The following DICER1 variants were observed in gnomAD, a reference collection of about 807,000 sequenced individuals.
DICER1 encodes the protein dicer 1, ribonuclease III, also known as endoribonuclease Dicer.
DICER1 carries 43 observed loss-of-function variants against 194.1 expected under a neutral mutation model. That is an observed-to-expected ratio of 0.22 (90% CI 0.17 to 0.29). The LOEUF is 0.29. Among genes scored for constraint, DICER1 ranks in the 10% least tolerant of loss-of-function variants. The pLI, the probability that DICER1 is intolerant of heterozygous loss-of-function variation, is 1.00. For synonymous variants in DICER1, 832 were observed against 820.5 expected (o/e 1.01, Z -0.24); for missense variants, 1,608 against 2,317.0 (o/e 0.69, Z 6.28).
intron 9 of DICER1, 133 bp downstream of exon 9, chr14:95,117,489 T>C (rs1486485308): frequency 3.2e-6 from 3 of 934,668 alleles, no homozygotes; most frequent in African/African-American, 1.7e-5. Context: ...TGGTCTAATA[T>C]ATGAAGAAGT....
At chr14:95,157,034 G>C (rs1214501202) in intron 1 of DICER1, among the ~76,000 whole-genome samples, 196 bp downstream of exon 1, 1 of 151,960 alleles carries the variant, frequency 6.6e-6, no homozygotes, top group Non-Finnish European at 1.5e-5. Context: ...GAGGCGGGCA[G>C]ACGCCGGGTC....
chr14:95,122,959 C>CAAAGAAAGAAAG (rs33966914), intron 8 of DICER1, among the ~76,000 whole-genome samples: 47,862 of 149,202 alleles, frequency 0.32, 8,582 homozygotes, highest in African/African-American at 0.49. Context: ...CACACACACA[C>CAAAGAAAGAAAG]AAAGAAAGAA....
chr14:95,117,509 T>C, intron 9 of DICER1, 113 bp downstream of exon 9: 1 of 1,137,548 alleles, frequency 8.8e-7, no homozygotes, highest in Non-Finnish European at 1.3e-6. Context: ...TATTCTATAA[T>C]ACAAAAAATA....
intron 1 of DICER1, among the ~76,000 whole-genome samples, chr14:95,149,861 C>G (rs537875949): frequency 3.9e-4 from 60 of 152,244 alleles, no homozygotes; most frequent in African/African-American, 1.4e-3. Flanking sequence ...AGACTTTAAA[C>G]AACCCAAATT....
At position 95,096,590 on chromosome 14, in the gene DICER1, C is replaced by T. The variant is rs1455952908; in HGVS notation, c.4330G>A (p.Glu1444Lys). The T allele has an allele frequency of 6.2e-7, 1 of 1,611,728 alleles. No homozygotes were observed. The highest frequency in any genetic ancestry group is 1.1e-5 in the South Asian group (1 of 90,852). ...EEADYEDDFLEYDQEHIRFID... is the reference protein window; with the variant it reads ...EEADYEDDFLKYDQEHIRFID... ...AATCTGATATGTTCCTGATCATACT[C>T]CAGGAAATCATCTTCATAGTCAGCC... The change falls in exon 23 of 27, where the codon GAG becomes AAG. Residue 1444 changes from glutamate (E) to lysine (K), a missense_variant. Around this residue, in one of 10 missense-constraint regions of DICER1, gnomAD observed 164 missense variants for 183.7 expected, o/e 0.89. Transcript: ENST00000343455.
Position 95,124,668 on chromosome 14 carries a change from T to G in DICER1, c.904A>C (p.Ile302Leu), listed in dbSNP as rs1555374864. ...AATACGGCACGACAGTCTGATAGTATCTACAAAAAAAAGAAAAGAAAAAAC... is the reference window on the plus strand; with the variant it reads ...AATACGGCACGACAGTCTGATAGTAGCTACAAAAAAAAGAAAAGAAAAAAC... ...ERDSTLISKQ[I>L]LSDCRAVLVV... The change falls in exon 8 of 27, where the codon ATA (isoleucine) becomes CTA (leucine). Residue 302 changes from isoleucine (I) to leucine (L), a missense_variant and splice_region_variant. By Grantham distance (5) the Ile-to-Leu change is conservative. Around this residue, in one of 10 missense-constraint regions of DICER1, gnomAD observed 657 missense variants for 910.1 expected, o/e 0.72. Coordinates refer to ENST00000343455, the MANE Select transcript of DICER1 (RefSeq NM_177438.3). This position sits in a 1 kb window ranked among gnomAD's most constrained non-coding sequence, Gnocchi z 4.5. The G allele has an allele frequency of 1.9e-6, 3 of 1,610,146 alleles. No individual in the cohort carries two copies. The highest frequency in any genetic ancestry group is 2.5e-6 in the Non-Finnish European group (3 of 1,177,272).
rs1231822339 is a variant in DICER1, at chr14:95,132,630, T to A, written c.192A>T (p.Leu64Phe). ...TAAATGTCTTCCCTGAGCCAGTGTT[T>A]AAACAGACGATGGTATTATGATCCA... ...AALDHNTIVCLNTGSGKTFIA... is the reference protein window; with the variant it reads ...AALDHNTIVCFNTGSGKTFIA... Residue 64 changes from leucine (L) to phenylalanine (F), a missense_variant, in exon 3 of 27, where the codon TTA (leucine) becomes TTT (phenylalanine). By Grantham distance (22) the Leu-to-Phe change is conservative. Coordinates refer to ENST00000343455, the MANE Select transcript of DICER1 (RefSeq NM_177438.3). 3.1e-6 allele frequency: 5 copies of A among 1,613,934 alleles called. No homozygotes were observed. The highest frequency in any genetic ancestry group is 1.3e-5 in the African/African-American group (1 of 74,926).
chr14:95,157,374 C>A lies in DICER1; in HGVS notation c.-190G>T. On this transcript the variant is annotated 5_prime_UTR_variant, in exon 1 of 27. Transcript: ENST00000343455. ...CTCGCCGTCGCCTCGTCCCCGCTGT[C>A]AGGTTACTCCATTCACCTGGGCCTG... is the stretch of plus-strand genomic sequence containing the variant. The A allele has an allele frequency of 6.5e-6, 1 of 154,362 alleles. No individual in the cohort carries two copies. Among genetic ancestry groups the A allele is most frequent in the South Asian group, 1.8e-4 (1 of 5,470 alleles). 9.6% of individuals were successfully genotyped at this position (154,362 alleles called of 1,614,324 possible).
chr14:95,102,467 T>C (rs757401034), intron 21 of DICER1, among the ~76,000 whole-genome samples: 6 of 152,164 alleles, frequency 3.9e-5, no homozygotes, highest in African/African-American at 7.2e-5. Context: ...TTTCAAGCCT[T>C]TTCTCAGGTA....
rs1042232300 is a variant in DICER1, at chr14:95,086,742, T to G, written c.*3756A>C. 1 of 232,876 alleles carries G rather than the reference T, an allele frequency of 4.3e-6. No homozygotes were observed. Among genetic ancestry groups the G allele is most frequent in the African/African-American group, 2.2e-5 (1 of 45,336 alleles). The allele number at this position is 232,876 out of a possible 1,614,324, so 14.4% of individuals were successfully genotyped here. A position where few individuals can be genotyped will look rare whatever the true frequency, so the allele number is the denominator to read the frequency against. On this transcript the variant is annotated 3_prime_UTR_variant, in exon 27 of 27. Coordinates refer to ENST00000343455, the MANE Select transcript of DICER1 (RefSeq NM_177438.3). ...TCTCCAACAACTTTAAAAATCATTTTAATAGTCTTGGTCTTAAACATATCT... is the reference window on the plus strand; with the variant it reads ...TCTCCAACAACTTTAAAAATCATTTGAATAGTCTTGGTCTTAAACATATCT...
intron 9 of DICER1, 127 bp downstream of exon 9, chr14:95,117,495 G>T: frequency 1.0e-6 from 1 of 990,160 alleles, no homozygotes; most frequent in Non-Finnish European, 1.6e-6. Flanking sequence ...AATATATGAA[G>T]AAGTATTCTA....
At position 95,089,924 on chromosome 14, in the gene DICER1, C is replaced by T; in HGVS notation, c.*574G>A. ...ATGCCAGCCAATGTTCATTAAAAAT[C>T]TGTCCCTTACTATCAGGTGCAACAG... On this transcript the variant is annotated 3_prime_UTR_variant, in exon 27 of 27. Transcript: ENST00000343455. 1 of 233,522 alleles carries T rather than the reference C, an allele frequency of 4.3e-6. No individual in the cohort carries two copies. Among genetic ancestry groups the T allele is most frequent in the Non-Finnish European group, 8.5e-6 (1 of 118,098 alleles). 14.5% of individuals were successfully genotyped at this position (233,522 alleles called of 1,614,324 possible). A position where few individuals can be genotyped will look rare whatever the true frequency, so the allele number is the denominator to read the frequency against.
Position 95,133,340 on chromosome 14 carries a change from T to C in DICER1, c.119A>G (p.Asn40Ser). 1.2e-6 allele frequency: 2 copies of C among 1,614,144 alleles called. No individual in the cohort carries two copies. Among genetic ancestry groups the C allele is most frequent in the Non-Finnish European group, 8.5e-7 (1 of 1,180,016 alleles). Residue 40 changes from asparagine to serine, a missense_variant, in exon 2 of 27, where the codon AAC (asparagine) becomes AGC (serine). Coordinates refer to ENST00000343455, the MANE Select transcript of DICER1 (RefSeq NM_177438.3). ...CTGATATTTTCTTGGCGTATAAATG[T>C]TATCATGAATTGCTTCTTGTTGCCA... The part of the protein sequence containing the change: ...LPWQQEAIHD[N>S]IYTPRKYQVE...
At chr14:95,153,482 T>C (rs1013832243) in intron 1 of DICER1, among the ~76,000 whole-genome samples, 2 of 152,262 alleles carry the variant, frequency 1.3e-5, no homozygotes, top group Admixed American at 1.3e-4. Flanking sequence ...AATGTTTCTC[T>C]ATCGTTTGTA....
chr14:95,107,487 T>C lies in DICER1; in HGVS notation c.2804+121A>G, dbSNP rs1343076754. ...GGATGGTCTCAATCTCCTGACCTCA[T>C]GATCTGCCCGCCTTGGCCTCCCAAA... On this transcript the variant is annotated intron_variant, in intron 17 of 26. Coordinates refer to ENST00000343455, the MANE Select transcript of DICER1 (RefSeq NM_177438.3). The C allele has an allele frequency of 1.8e-5, 17 of 931,286 alleles. No homozygotes were observed. The Admixed American group carries it at 2.4e-4, about 13-fold the overall frequency. The allele number at this position is 931,286 out of a possible 1,614,324, so 57.7% of individuals were successfully genotyped here. A position where few individuals can be genotyped will look rare whatever the true frequency, so the allele number is the denominator to read the frequency against.
At chr14:95,100,552 T>G (rs2139912733) in intron 21 of DICER1, among the ~76,000 whole-genome samples, 1 of 152,344 alleles carries the variant, frequency 6.6e-6, no homozygotes, top group Middle Eastern at 3.4e-3. Context: ...AAGGTTTCTG[T>G]TTATTCACAT....
Position 95,108,001 on chromosome 14 carries a change from A to G in DICER1, c.2529T>C (p.Leu843=). The G allele has an allele frequency of 6.2e-7, 1 of 1,613,526 alleles. No homozygotes were observed. Among genetic ancestry groups the G allele is most frequent in the Non-Finnish European group, 8.5e-7 (1 of 1,179,422 alleles). ...ACTGGTGAAGTCTTGTAATCAACTC[A>G]AGCATTTGTAGAGACAACATGAAAC... The part of the protein sequence containing the change: ...KSGFMLSLQM[L]ELITRLHQYI... The change falls in exon 16 of 27, where the codon CTT becomes CTC. Residue 843 remains leucine, a synonymous_variant. Transcript: ENST00000343455.
intron 1 of DICER1, among the ~76,000 whole-genome samples, chr14:95,146,184 G>A (rs1263369238): frequency 1.3e-5 from 2 of 152,208 alleles, no homozygotes; most frequent in Non-Finnish European, 2.9e-5. Flanking sequence ...CCTGAAGGTC[G>A]AGATACACAG....
rs370105837 is a variant in DICER1 at position 95,133,478 on chromosome 14, T to C, written c.-20A>G. 2.2e-4 allele frequency: 354 copies of C among 1,605,436 alleles called. No individual in the cohort carries two copies. The highest frequency in any genetic ancestry group is 2.9e-4 in the Non-Finnish European group (339 of 1,175,242). ...TTTCATTCATCCAGTGTTTCTTTCA[T>C]TGCATTTTTGTTCTAGCACAGCTTA... On this transcript the variant is annotated 5_prime_UTR_variant, in exon 2 of 27. It removes an upstream start codon present in the reference 5' UTR. Coordinates refer to ENST00000343455, the MANE Select transcript of DICER1 (RefSeq NM_177438.3).
Sources: allele counts gnomAD v4.1 joint callset (sites outside exome capture counted in the v4.1 genomes callset), GRCh38; gene constraint gnomAD v4.1.1; regional missense constraint gnomAD v4.1.1; non-coding constraint Gnocchi (gnomAD v3.1); transcripts MANE v1.5; gene names NCBI Gene and HGNC (gene_info 2026-07-23, HGNC 2026-07-21).